Variants in ANKRD30A observed in about 807,000 individuals in gnomAD.
ANKRD30A encodes the protein ankyrin repeat domain 30A.
In ANKRD30A, 170 loss-of-function variants were observed where a neutral mutation model predicts 166.3. The observed-to-expected ratio is 1.02, with a 90% CI of 0.90 to 1.16. The LOEUF is 1.16. Among genes scored for constraint, ANKRD30A ranks in the 50% most tolerant of loss-of-function variants. The pLI is 0.00. For missense variants in ANKRD30A, 1,630 were observed against 1,518.0 expected (o/e 1.07, Z -1.23); for synonymous variants, 564 against 508.9 (o/e 1.11, Z -1.46).
chr10:37,207,030 G>C (rs1172976647), intron 31 of ANKRD30A, among the ~76,000 whole-genome samples: 1 of 151,840 alleles, frequency 6.6e-6, no homozygotes, highest in East Asian at 1.9e-4. Context: ...TTTTCTTTAT[G>C]AGTTTTATAT....
intron 5 of ANKRD30A, among the ~76,000 whole-genome samples, chr10:37,136,282 G>T (rs538781472): frequency 1.0e-3 from 154 of 152,252 alleles, no homozygotes; most frequent in Admixed American, 3.1e-3. Flanking sequence ...GAAGCAACTT[G>T]TTCAAGAAAA....
rs1174954622 is a variant in ANKRD30A, at chr10:37,179,196, T to A, written c.2421+2978T>A. Reference sequence around the variant, plus strand: ...TTGCCATTTTATAAAACCTCATTAGTAAATAACATGCTACACGAAACCAGA... The same window carrying A: ...TTGCCATTTTATAAAACCTCATTAGAAAATAACATGCTACACGAAACCAGA... On this transcript the variant is annotated intron_variant, in intron 24 of 35. Coordinates refer to ENST00000361713, the MANE Select transcript of ANKRD30A (RefSeq NM_052997.3). Among the ~76,000 whole-genome samples the A allele has an allele frequency of 2.1e-5, 3 of 145,846 alleles. 1 individual carries two copies. Among genetic ancestry groups the A allele is most frequent in the Non-Finnish European group, 4.6e-5 (3 of 65,262 alleles).
intron 27 of ANKRD30A, among the ~76,000 whole-genome samples, chr10:37,195,663 G>T (rs1052066811): frequency 6.6e-6 from 1 of 152,184 alleles, no homozygotes; most frequent in Admixed American, 6.5e-5. Context: ...GGGAGGCCGT[G>T]ACTGACAGAT....
rs1436759331 is a variant in ANKRD30A at position 37,197,427 on chromosome 10, A to T, written c.2663A>T (p.Lys888Met). The T allele has an allele frequency of 4.3e-6, 7 of 1,612,592 alleles. No individual in the cohort carries two copies. The African/African-American group carries it at 9.4e-5, about 22-fold the overall frequency. Reference sequence around the variant, plus strand: ...ATTTAGCCTGCCATTGAAATGCAAAAGTCTGTTCCAAATAAAGCCTTGGAA... The same window carrying T: ...ATTTAGCCTGCCATTGAAATGCAAATGTCTGTTCCAAATAAAGCCTTGGAA... ...SAFEPAIEMQ[K>M]SVPNKALELK... The change falls in exon 29 of 36, where the codon AAG (lysine) becomes ATG (methionine). Residue 888 changes from lysine to methionine, a missense_variant. By Grantham distance (95) the Lys-to-Met change is moderately conservative. This residue lies in a region of ANKRD30A where 712 missense variants were observed against 629.3 expected (regional missense o/e 1.13). Transcript: ENST00000361713.
chr10:37,219,313 A>C lies in ANKRD30A; in HGVS notation c.3601A>C (p.Arg1201=). ...GGCAGAAATTGAATCACACCATCCT[A>C]GACTGGCTTCTGCTGTACAAGACCA... ...LEAEIESHHP[R]LASAVQDHDQ... is the part of the protein sequence containing the mutation. The change falls in exon 34 of 36, where the codon AGA becomes CGA. Residue 1201 remains arginine (R), a synonymous_variant. Transcript: ENST00000361713. 1 of 1,610,532 alleles carries C rather than the reference A, an allele frequency of 6.2e-7. No homozygotes were observed.
At chr10:37,128,560 A>G (rs1828457789) in intron 1 of ANKRD30A, among the ~76,000 whole-genome samples, 1 of 152,034 alleles carries the variant, frequency 6.6e-6, no homozygotes, top group African/African-American at 2.4e-5. Flanking sequence ...TTATTAGAAA[A>G]ATAAAAGAGC....
chr10:37,138,597 C>T (rs575004568), intron 6 of ANKRD30A, among the ~76,000 whole-genome samples: 430 of 152,098 alleles, frequency 2.8e-3, no homozygotes, highest in African/African-American at 8.8e-3. Context: ...CCTCAGTAGC[C>T]GATTCGATCA....
chr10:37,195,765 G>T (rs1181347899), intron 27 of ANKRD30A, among the ~76,000 whole-genome samples: 1 of 152,052 alleles, frequency 6.6e-6, no homozygotes, highest in East Asian at 1.9e-4. Flanking sequence ...GTGGTGGCAC[G>T]CATTTCTAAT....
In ANKRD30A at chr10:37,166,647, A is replaced by G. The variant is rs2132612647; in HGVS notation, c.2107A>G (p.Lys703Glu). ...TTCACAGAAGGATGTGTGTTTACCC[A>G]AGGCTGCGCATCAAAAAGAAATAGA... is the stretch of plus-strand genomic sequence containing the variant. ...TVSQKDVCLPKAAHQKEIDKI... is the reference protein window; with the variant it reads ...TVSQKDVCLPEAAHQKEIDKI... The change falls in exon 19 of 36, where the codon AAG becomes GAG. Residue 703 changes from lysine (K) to glutamate (E), a missense_variant. Physicochemically the swap from Lys to Glu is moderately conservative, Grantham distance 56. Around this residue, in one of 4 missense-constraint regions of ANKRD30A, gnomAD observed 12 missense variants for 27.4 expected, o/e 0.44. Coordinates refer to ENST00000361713, the MANE Select transcript of ANKRD30A (RefSeq NM_052997.3). 6.3e-7 allele frequency: 1 copy of G among 1,598,772 alleles called. No homozygotes were observed. The highest frequency in any genetic ancestry group is 8.5e-7 in the Non-Finnish European group (1 of 1,174,012).
intron 6 of ANKRD30A, among the ~76,000 whole-genome samples, chr10:37,139,077 T>G (rs965075540): frequency 1.3e-5 from 2 of 152,228 alleles, no homozygotes; most frequent in Admixed American, 6.5e-5. Context: ...ATATTCAACA[T>G]TCTTAAAGAA....
chr10:37,179,029 T>C (rs1258297761), intron 24 of ANKRD30A, among the ~76,000 whole-genome samples: 8 of 48,794 alleles, frequency 1.6e-4, no homozygotes, highest in African/African-American at 5.1e-4. Flanking sequence ...TATATATATA[T>C]ATATATATAT....
intron 32 of ANKRD30A, among the ~76,000 whole-genome samples, chr10:37,217,181 G>C (rs1842646320): frequency 6.6e-6 from 1 of 150,904 alleles, no homozygotes; most frequent in Non-Finnish European, 1.5e-5. Context: ...TGGGATAACA[G>C]ATATTAGACT....
At chr10:37,128,061 A>G (rs913197024) in intron 1 of ANKRD30A, among the ~76,000 whole-genome samples, 1 of 152,088 alleles carries the variant, frequency 6.6e-6, no homozygotes, top group Non-Finnish European at 1.5e-5. Context: ...TCAAGGTAGA[A>G]ATATATACAG....
chr10:37,195,598 T>A (rs1477631016), intron 27 of ANKRD30A, among the ~76,000 whole-genome samples: 1 of 152,162 alleles, frequency 6.6e-6, no homozygotes, highest in Non-Finnish European at 1.5e-5. Flanking sequence ...TACACATATT[T>A]ATTTAAAAAA....
At chr10:37,126,877 G>A (rs533356556) in intron 1 of ANKRD30A, among the ~76,000 whole-genome samples, 2 of 151,452 alleles carry the variant, frequency 1.3e-5, no homozygotes, top group South Asian at 2.1e-4. Flanking sequence ...GTGAAACGCC[G>A]TCTCTACAAA....
At chr10:37,200,085 A>C (rs1841498906) in intron 30 of ANKRD30A, among the ~76,000 whole-genome samples, 1 of 152,230 alleles carries the variant, frequency 6.6e-6, no homozygotes, top group African/African-American at 2.4e-5. Flanking sequence ...TAAAAGCAAA[A>C]GAATTACACT....
intron 34 of ANKRD30A, among the ~76,000 whole-genome samples, chr10:37,220,667 A>G (rs1049752388): frequency 6.6e-6 from 1 of 151,186 alleles, no homozygotes; most frequent in African/African-American, 2.4e-5. Context: ...TAATTTGCTC[A>G]TAATTTCTAT....
chr10:37,217,674 G>A, intron 32 of ANKRD30A, 21 bp from the exon 33 acceptor site: 1 of 1,489,112 alleles, frequency 6.7e-7, no homozygotes, highest in South Asian at 1.4e-5. Context: ...TGAATTTTAA[G>A]ATAAGTATGT....
At chr10:37,263,943 A>C in the ANKRD30A span, among the ~76,000 whole-genome samples, 1 of 152,198 alleles carries the variant, frequency 6.6e-6, no homozygotes, top group East Asian at 1.9e-4. Context: ...CAGAACTTGC[A>C]TATGGATTAG....
Sources: gnomAD v4.1 joint callset for allele counts (sites outside exome capture counted in the v4.1 genomes callset) on GRCh38, gnomAD v4.1.1 for gene constraint, gnomAD v4.1.1 regional missense constraint, MANE v1.5 for transcripts, NCBI Gene and HGNC (gene_info 2026-07-23, HGNC 2026-07-21) for gene names.